The following CSMD1 variants were observed in gnomAD, a reference collection of about 807,000 sequenced individuals.
CSMD1 encodes CUB and Sushi multiple domains 1.
CSMD1 carries 213 observed loss-of-function variants against 417.5 expected under a neutral mutation model. The ratio of observed to expected loss-of-function variants is 0.51; its 90% CI spans 0.46 to 0.57. CSMD1 has a LOEUF of 0.57. Ranked by LOEUF, CSMD1 falls within the 20% of genes least tolerant of loss-of-function variation. The pLI, the probability that CSMD1 is intolerant of heterozygous loss-of-function variation, is 0.00. For missense variants in CSMD1, 6,923 were observed against 4,529.7 expected (o/e 1.53, Z -15.17); for synonymous variants, 2,862 against 1,736.8 (o/e 1.65, Z -16.11).
intron 7 of CSMD1, among the ~76,000 whole-genome samples, chr8:3,668,645 G>A (rs1798828369): frequency 6.6e-6 from 1 of 152,082 alleles, no homozygotes; most frequent in Non-Finnish European, 1.5e-5. Flanking sequence ...AACAGAGTGT[G>A]CAATATAGAA....
At chr8:4,597,375 G>A (rs1190301293) in intron 2 of CSMD1, among the ~76,000 whole-genome samples, 1 of 152,144 alleles carries the variant, frequency 6.6e-6, no homozygotes, top group African/African-American at 2.4e-5. Context: ...AAAGTAGTGT[G>A]AGGTATGTTG....
At chr8:3,154,813 T>C (rs986038092) in intron 39 of CSMD1, among the ~76,000 whole-genome samples, 2 of 152,192 alleles carry the variant, frequency 1.3e-5, no homozygotes, top group African/African-American at 4.8e-5. Flanking sequence ...TTAGTACTTT[T>C]ATTTTTCAAA....
chr8:4,847,517 A>G (rs1323647381), intron 1 of CSMD1, among the ~76,000 whole-genome samples: 1 of 152,192 alleles, frequency 6.6e-6, no homozygotes, highest in Non-Finnish European at 1.5e-5. Context: ...TTAGTGTCAT[A>G]CACTTGTCAT....
At chr8:4,416,783 T>G (rs979559397) in intron 3 of CSMD1, among the ~76,000 whole-genome samples, 1 of 152,216 alleles carries the variant, frequency 6.6e-6, no homozygotes, top group African/African-American at 2.4e-5. Context: ...CTAGATGTTT[T>G]TCTTAAAACA....
At chr8:4,947,912 A>G (rs903536200) in intron 1 of CSMD1, among the ~76,000 whole-genome samples, 6 of 152,052 alleles carry the variant, frequency 3.9e-5, no homozygotes, top group Non-Finnish European at 8.8e-5. Flanking sequence ...CCTGTAAGAC[A>G]TTCGGGTAAT....
intron 3 of CSMD1, among the ~76,000 whole-genome samples, chr8:4,062,079 G>A (rs981818218): frequency 3.9e-5 from 6 of 152,098 alleles, no homozygotes; most frequent in Admixed American, 3.3e-4. Flanking sequence ...CCAGGTGCCA[G>A]GAGAATGGCA....
At chr8:3,430,150 T>C (rs886770402) in intron 12 of CSMD1, among the ~76,000 whole-genome samples, 2 of 152,132 alleles carry the variant, frequency 1.3e-5, no homozygotes, top group African/African-American at 4.8e-5. Context: ...AACATATGAA[T>C]ATACACACAA....
chr8:3,436,985 G>A (rs554170363), intron 12 of CSMD1, among the ~76,000 whole-genome samples: 9 of 152,150 alleles, frequency 5.9e-5, no homozygotes, highest in Non-Finnish European at 1.2e-4. Flanking sequence ...GAAGCAGACA[G>A]GGACTTAAAC....
chr8:3,911,179 C>G (rs1009472757), intron 5 of CSMD1, among the ~76,000 whole-genome samples: 1 of 152,152 alleles, frequency 6.6e-6, no homozygotes. Flanking sequence ...GTGTCTGCTT[C>G]CAGACGGGTC....
At position 3,175,345 on chromosome 8, in the gene CSMD1, A is replaced by G. The variant is rs549957491; in HGVS notation, c.5725+5765T>C. Reference sequence around the variant, plus strand: ...CCACAAATCACTGATTCAACCTCCTACGTTATTCAGAATATATTGTAAATG... The same window carrying G: ...CCACAAATCACTGATTCAACCTCCTGCGTTATTCAGAATATATTGTAAATG... On this transcript the variant is annotated intron_variant, in intron 37 of 69. Coordinates refer to ENST00000635120, the MANE Select transcript of CSMD1 (RefSeq NM_033225.6). 3.9e-5 allele frequency among the ~76,000 whole-genome samples: 6 copies of G among 152,170 alleles called. No homozygotes were observed. In the South Asian group the frequency reaches 8.3e-4, roughly 21 times the overall value.
At chr8:4,890,624 C>G (rs1028025165) in intron 1 of CSMD1, among the ~76,000 whole-genome samples, 4 of 151,816 alleles carry the variant, frequency 2.6e-5, no homozygotes, top group Admixed American at 6.6e-5. Context: ...TGCTTCAGGT[C>G]CTCACAGCCA....
intron 3 of CSMD1, among the ~76,000 whole-genome samples, chr8:4,088,939 C>A (rs1027320891): frequency 6.6e-6 from 1 of 152,172 alleles, no homozygotes; most frequent in Non-Finnish European, 1.5e-5. Flanking sequence ...CTGCCAAGGT[C>A]TTTCCTGAAT....
rs566613479 is a variant in CSMD1, at chr8:4,328,564, A to G, written c.415+91389T>C. On this transcript the variant is annotated intron_variant, in intron 3 of 69. Transcript: ENST00000635120. ...TAAATATACACACTATGTACCCACAACAATTTAAAAAAATGAAAAAAAATT... is the reference window on the plus strand; with the variant it reads ...TAAATATACACACTATGTACCCACAGCAATTTAAAAAAATGAAAAAAAATT... Among the ~76,000 whole-genome samples the G allele has an allele frequency of 9.2e-5, 14 of 152,074 alleles. No homozygotes were observed. In the South Asian group the frequency reaches 1.7e-3, roughly 18 times the overall value.
Position 3,029,425 on chromosome 8 carries a change from T to C in CSMD1, c.7749A>G (p.Gln2583=), listed in dbSNP as rs372256290. The C allele has an allele frequency of 6.8e-6, 11 of 1,611,170 alleles. No homozygotes were observed. Among genetic ancestry groups the C allele is most frequent in the African/African-American group, 4.0e-5 (3 of 74,474 alleles). ...VSGSLNEYGA[Q]VLLSCSPGYY... is the part of the protein sequence containing the mutation. ...AACCAGGACTGCAGCTCAGCAATAC[T>C]TGAGCACCGTACTCATTCAAGGATC... The change falls in exon 51 of 70, where the codon CAA becomes CAG. Residue 2583 remains glutamine (Q), a synonymous_variant. Coordinates refer to ENST00000635120, the MANE Select transcript of CSMD1 (RefSeq NM_033225.6).
At chr8:4,173,098 A>G in intron 3 of CSMD1, among the ~76,000 whole-genome samples, 1 of 152,172 alleles carries the variant, frequency 6.6e-6, no homozygotes, top group East Asian at 1.9e-4. Flanking sequence ...GAAAGGTTGT[A>G]TGAACCACAC....
intron 7 of CSMD1, among the ~76,000 whole-genome samples, chr8:3,681,978 G>A (rs1467865002): frequency 2.6e-5 from 4 of 152,242 alleles, no homozygotes; most frequent in Non-Finnish European, 2.9e-5. Context: ...TGGGAAAACT[G>A]GCTAGCCATA....
At chr8:4,370,468 CA>C (rs1802332403) in intron 3 of CSMD1, among the ~76,000 whole-genome samples, 2 of 152,104 alleles carry the variant, frequency 1.3e-5, no homozygotes, top group African/African-American at 4.8e-5. Context: ...GAATTTCTTG[CA>C]TTTGCATGGC....
intron 26 of CSMD1, chr8:3,278,845 C>G (rs1038283578): frequency 6.6e-6 from 1 of 152,118 alleles, no homozygotes; most frequent in African/African-American, 2.4e-5. Context: ...TGGCTGGATT[C>G]GCCAGTGAGG....
At chr8:4,853,283 A>C (rs767245720) in intron 1 of CSMD1, among the ~76,000 whole-genome samples, 1 of 152,180 alleles carries the variant, frequency 6.6e-6, no homozygotes, top group Non-Finnish European at 1.5e-5. Context: ...TCTACAAAGA[A>C]AGAACAATTT....
Sources: gnomAD v4.1 joint callset for allele counts (sites outside exome capture counted in the v4.1 genomes callset) on GRCh38, gnomAD v4.1.1 for gene constraint, MANE v1.5 for transcripts, NCBI Gene and HGNC (gene_info 2026-07-23, HGNC 2026-07-21) for gene names.